Variants in CARD10 observed in about 807,000 individuals in gnomAD.
CARD10 encodes caspase recruitment domain-containing protein 10.
In CARD10, 49 loss-of-function variants were observed where a neutral mutation model predicts 114.6. That is an observed-to-expected ratio of 0.43 (90% CI 0.34 to 0.54). CARD10 has a LOEUF of 0.54. Ranked by LOEUF, CARD10 falls within the 20% of genes least tolerant of loss-of-function variation. The pLI is 0.03. For missense variants in CARD10, 1,206 were observed against 1,397.2 expected, an observed-to-expected ratio of 0.86 and a Z score of 2.18; for synonymous variants, 602 against 593.2, an observed-to-expected ratio of 1.01 and a Z score of -0.21.
chr22:37,503,080 G>T, intron 10 of CARD10, 105 bp downstream of exon 10: 1 of 1,256,170 alleles, frequency 8.0e-7, no homozygotes, highest in Non-Finnish European at 1.1e-6. Flanking sequence ...TTCAGGGAAG[G>T]GGATGCAGGC....
intron 7 of CARD10, among the ~76,000 whole-genome samples, chr22:37,505,567 T>C (rs984409952): frequency 6.7e-6 from 1 of 149,330 alleles, no homozygotes; most frequent in Non-Finnish European, 1.5e-5. Flanking sequence ...TCCCAGCTAC[T>C]AGGGAGGCTA....
chr22:37,502,796 C>A, intron 10 of CARD10, 71 bp from the exon 11 acceptor site: 1 of 1,534,074 alleles, frequency 6.5e-7, no homozygotes. Flanking sequence ...ATGACAGGGA[C>A]TGACCCCCCT....
Position 37,497,197 on chromosome 22 carries a change from G to C in CARD10, c.1788-19C>G. 2.5e-6 allele frequency: 4 copies of C among 1,603,140 alleles called. No homozygotes were observed. The highest frequency in any genetic ancestry group is 3.4e-6 in the Non-Finnish European group (4 of 1,175,732). The stretch of plus-strand genomic sequence containing the variant: ...CAGAGACCTGAGAAGGGAGAAAGGA[G>C]ATGAGAATTGGAGTCCAATCAGTAC... On this transcript the variant is annotated intron_variant, in intron 11 of 19. Coordinates refer to ENST00000251973, the MANE Select transcript of CARD10 (RefSeq NM_014550.4).
In CARD10 at chr22:37,504,721, T is replaced by C; in HGVS notation, c.1432A>G (p.Ser478Gly). The change falls in exon 8 of 20, where the codon AGC becomes GGC. Residue 478 changes from serine to glycine, a missense_variant. By Grantham distance (56) the Ser-to-Gly change is moderately conservative. Coordinates refer to ENST00000251973, the MANE Select transcript of CARD10 (RefSeq NM_014550.4). ...SLCSNLSSTW[S>G]LSEFPSPLGG... is the part of the protein sequence containing the mutation. ...AGAGGGGAGGGGAACTCGCTCAGGC[T>C]CCAAGTGCTGCTGAGGTTGGAGCAC... The C allele has an allele frequency of 6.3e-7, 1 of 1,582,920 alleles. No individual in the cohort carries two copies. The highest frequency in any genetic ancestry group is 8.6e-7 in the Non-Finnish European group (1 of 1,165,918).
intron 15 of CARD10, among the ~76,000 whole-genome samples, chr22:37,495,015 T>G (rs185148975): frequency 3.3e-5 from 5 of 151,936 alleles, no homozygotes; most frequent in Admixed American, 6.6e-5. Flanking sequence ...CAGGCTGGAG[T>G]GCAGTGGCGC....
intron 5 of CARD10, 123 bp downstream of exon 5, chr22:37,508,404 G>C: frequency 8.9e-7 from 1 of 1,128,952 alleles, no homozygotes; most frequent in Non-Finnish European, 1.2e-6. Context: ...CAACATCTGA[G>C]AACAAATGAA....
At chr22:37,507,003 G>C (rs1316863270) in intron 6 of CARD10, among the ~76,000 whole-genome samples, 1 of 152,240 alleles carries the variant, frequency 6.6e-6, no homozygotes, top group African/African-American at 2.4e-5. Context: ...CTTCGGCTGG[G>C]CATGGGAGCT....
intron 3 of CARD10, among the ~76,000 whole-genome samples, chr22:37,511,065 G>A (rs1349447249): frequency 2.3e-5 from 3 of 132,418 alleles, no homozygotes; most frequent in African/African-American, 6.0e-5. Context: ...CTGGGCAGCA[G>A]AGCAAGACTC....
chr22:37,502,536 C>T lies in CARD10; in HGVS notation c.1787+66G>A, dbSNP rs1387729491. The T allele has an allele frequency of 3.2e-5, 49 of 1,541,490 alleles. 1 individual carries two copies. The South Asian group carries it at 5.6e-4, about 18-fold the overall frequency. On this transcript the variant is annotated intron_variant, in intron 11 of 19. Coordinates refer to ENST00000251973, the MANE Select transcript of CARD10 (RefSeq NM_014550.4). ...ACAGGGGCGAGGCAATTGCTCCTCCCACCTCACTCCTGTTCCCCTCTCAAG... is the reference window on the plus strand; with the variant it reads ...ACAGGGGCGAGGCAATTGCTCCTCCTACCTCACTCCTGTTCCCCTCTCAAG...
rs577814349 is a variant in CARD10, at chr22:37,502,074, G to A, written c.1787+528C>T. Among the ~76,000 whole-genome samples, 5 of 152,284 alleles carry A rather than the reference G, an allele frequency of 3.3e-5. No individual in the cohort carries two copies. In the South Asian group the frequency reaches 8.3e-4, roughly 25 times the overall value. On this transcript the variant is annotated intron_variant, in intron 11 of 19. Transcript: ENST00000251973. ...CACGCACCGGCCACACTAACAGCAC[G>A]TCGCCTACAGTGCACTCTGCACTAA...
intron 10 of CARD10, 61 bp from the exon 11 acceptor site, chr22:37,502,786 A>G: frequency 1.3e-6 from 2 of 1,569,812 alleles, no homozygotes; most frequent in Non-Finnish European, 1.7e-6. Flanking sequence ...GCCAGGGTCC[A>G]TGACAGGGAC....
At chr22:37,512,479 AC>A (rs1923694769) in intron 3 of CARD10, among the ~76,000 whole-genome samples, 1 of 143,054 alleles carries the variant, frequency 7.0e-6, no homozygotes. Flanking sequence ...ACACACACAC[AC>A]ACACACACAC....
Position 37,492,905 on chromosome 22 carries a change from C to CCTG in CARD10, c.2477-106_2477-104dup, listed in dbSNP as rs1160141586. The CCTG allele has an allele frequency of 8.1e-7, 1 of 1,227,348 alleles. No individual in the cohort carries two copies. The highest frequency in any genetic ancestry group is 1.1e-6 in the Non-Finnish European group (1 of 886,896). 76.0% of individuals were successfully genotyped at this position (1,227,348 alleles called of 1,614,324 possible). ...CCCCGCCACCCATCCCTTCCTAAGT[C>CCTG]CTGCTGCTGCTCCTCCTACACATGC... On this transcript the variant is annotated intron_variant, in intron 16 of 19. Transcript: ENST00000251973. The surrounding 1 kb of genome is among the most constrained non-coding windows in gnomAD (Gnocchi z 5.7).
At position 37,510,293 on chromosome 22, in the gene CARD10, A is replaced by G. The variant is rs576345404; in HGVS notation, c.828T>C (p.Asn276=). 5.4e-5 allele frequency: 87 copies of G among 1,601,924 alleles called. 1 individual carries two copies. Among genetic ancestry groups the G allele is most frequent in the African/African-American group, 2.1e-4 (15 of 72,586 alleles). ...KEKEKEKEPD[N]VDLVSELRAE... The stretch of plus-strand genomic sequence containing the variant: ...CACGCAGCTCAGAGACAAGGTCCAC[A>G]TTGTCTGGCTCCTTCTCCTTCTCCT... Residue 276 remains asparagine (N), a synonymous_variant, in exon 4 of 20, where the codon AAT becomes AAC. Transcript: ENST00000251973.
intron 3 of CARD10, among the ~76,000 whole-genome samples, chr22:37,515,506 G>A (rs1923808995): frequency 6.8e-6 from 1 of 147,062 alleles, no homozygotes; most frequent in Non-Finnish European, 1.5e-5. Context: ...GAGGCTGCAA[G>A]GAGCCGAGAT....
rs112141463 is a variant in CARD10 at position 37,492,936 on chromosome 22, C to A, written c.2477-134G>T. ...GCTGCTCCTCCTACACATGCACACACACACACCCTTAGTAGGACCGACGGT... is the reference window on the plus strand; with the variant it reads ...GCTGCTCCTCCTACACATGCACACAAACACACCCTTAGTAGGACCGACGGT... On this transcript the variant is annotated intron_variant, in intron 16 of 19. Coordinates refer to ENST00000251973, the MANE Select transcript of CARD10 (RefSeq NM_014550.4). This position sits in a 1 kb window ranked among gnomAD's most constrained non-coding sequence, Gnocchi z 5.7. The A allele has an allele frequency of 8.6e-5, 77 of 890,590 alleles. No individual in the cohort carries two copies. In the African/African-American group the frequency reaches 1.1e-3, roughly 13 times the overall value. 55.2% of individuals were successfully genotyped at this position (890,590 alleles called of 1,614,324 possible). A position where few individuals can be genotyped will look rare whatever the true frequency, so the allele number is the denominator to read the frequency against.
rs371785458 is a variant in CARD10, at chr22:37,510,699, G to A, written c.700-278C>T. On this transcript the variant is annotated intron_variant, in intron 3 of 19. Coordinates refer to ENST00000251973, the MANE Select transcript of CARD10 (RefSeq NM_014550.4). ...GGGCGGACATGCTGCATCACGACAC[G>A]CTGTCTGTCCCGCACTTCTGACACT... is the stretch of plus-strand genomic sequence containing the variant. 107 of 454,902 alleles carry A rather than the reference G, an allele frequency of 2.4e-4. 1 individual carries two copies. Among genetic ancestry groups the A allele is most frequent in the African/African-American group, 1.9e-3 (97 of 51,388 alleles). 28.2% of individuals were successfully genotyped at this position (454,902 alleles called of 1,614,324 possible).
intron 4 of CARD10, chr22:37,509,148 GC>G: frequency 6.8e-7 from 1 of 1,473,340 alleles, no homozygotes; most frequent in Non-Finnish European, 9.1e-7. Flanking sequence ...CCAGCCAAGT[GC>G]CCCAACCCCA....
chr22:37,491,974 C>T, intron 18 of CARD10, 107 bp from the exon 19 acceptor site: 1 of 739,050 alleles, frequency 1.4e-6, no homozygotes, highest in South Asian at 1.5e-5. Flanking sequence ...GATGCAAGTC[C>T]TGCCTCCCCA....
Sources: gnomAD v4.1 joint callset for allele counts (sites outside exome capture counted in the v4.1 genomes callset) on GRCh38, gnomAD v4.1.1 for gene constraint, Gnocchi (gnomAD v3.1) non-coding constraint, MANE v1.5 for transcripts, NCBI Gene and HGNC (gene_info 2026-07-23, HGNC 2026-07-21) for gene names.